Variants in UBE3D observed in about 807,000 individuals in gnomAD.
The protein encoded by UBE3D is ubiquitin protein ligase E3D, also known as E3 ubiquitin-protein ligase E3D.
Under a neutral mutation model 49.6 loss-of-function variants are expected in UBE3D, and 48 were observed. That is an observed-to-expected ratio of 0.97 (90% CI 0.77 to 1.23). The LOEUF is 1.23. Ranked by LOEUF, UBE3D falls within the 50% of genes most tolerant of loss-of-function variation. The probability of loss-of-function intolerance (pLI) is 0.00; values close to 1 mark genes in which losing one functional copy is unlikely to be tolerated. For missense variants in UBE3D, 452 were observed against 468.4 expected (o/e 0.96, Z 0.32); for synonymous variants, 189 against 174.2 (o/e 1.08, Z -0.67).
intron 9 of UBE3D, among the ~76,000 whole-genome samples, chr6:82,903,826 GAGTT>G (rs1356756400): frequency 6.6e-6 from 1 of 152,142 alleles, no homozygotes; most frequent in Non-Finnish European, 1.5e-5. Flanking sequence ...GGCTTATGAG[GAGTT>G]TATAAACGGT....
At chr6:82,909,419 T>G (rs189426294) in intron 9 of UBE3D, among the ~76,000 whole-genome samples, 2,028 of 152,274 alleles carry the variant, frequency 0.013, 17 homozygotes, top group Non-Finnish European at 0.018. Context: ...CAGAATATAT[T>G]CTCTGCTAAG....
At chr6:82,935,369 A>G (rs1310226602) in intron 9 of UBE3D, among the ~76,000 whole-genome samples, 2 of 152,144 alleles carry the variant, frequency 1.3e-5, no homozygotes, top group African/African-American at 4.8e-5. Flanking sequence ...GCCTCCCACC[A>G]GGCCCCACCC....
chr6:82,966,129 G>A (rs1776903320), intron 8 of UBE3D, among the ~76,000 whole-genome samples: 1 of 151,992 alleles, frequency 6.6e-6, no homozygotes, highest in Non-Finnish European at 1.5e-5. Context: ...CAACTGATCG[G>A]TATGTCTTTT....
intron 8 of UBE3D, among the ~76,000 whole-genome samples, chr6:82,964,878 A>G (rs1031470693): frequency 6.6e-6 from 1 of 152,226 alleles, no homozygotes; most frequent in Non-Finnish European, 1.5e-5. Flanking sequence ...CCCTGAAAAA[A>G]TGCACAAACT....
intron 3 of UBE3D, among the ~76,000 whole-genome samples, chr6:83,050,587 T>C (rs1386108129): frequency 1.3e-5 from 2 of 152,232 alleles, no homozygotes; most frequent in African/African-American, 4.8e-5. Flanking sequence ...TTGGGGCACA[T>C]ACATGCTCTT....
At chr6:82,933,197 A>C (rs1177668562) in intron 9 of UBE3D, among the ~76,000 whole-genome samples, 1 of 152,218 alleles carries the variant, frequency 6.6e-6, no homozygotes, top group Non-Finnish European at 1.5e-5. Context: ...CACCTGAAAG[A>C]CAAAGTTTAA....
intron 1 of UBE3D, among the ~76,000 whole-genome samples, chr6:83,064,418 G>T (rs1396207457): frequency 6.6e-6 from 1 of 152,068 alleles, no homozygotes; most frequent in Non-Finnish European, 1.5e-5. Flanking sequence ...AGTAGAGACA[G>T]GGTTTCACCA....
At chr6:82,916,485 C>A (rs1184999474) in intron 9 of UBE3D, among the ~76,000 whole-genome samples, 2 of 152,150 alleles carry the variant, frequency 1.3e-5, no homozygotes, top group African/African-American at 2.4e-5. Context: ...ACACTGAAGG[C>A]TGGCACAATC....
rs1421180365 is a variant in UBE3D at position 82,945,837 on chromosome 6, CAAG to C, written c.1149+11472_1149+11474del. Among the ~76,000 whole-genome samples the C allele has an allele frequency of 3.3e-5, 5 of 152,200 alleles. No homozygotes were observed. The East Asian group carries it at 5.8e-4, about 18-fold the overall frequency. On this transcript the variant is annotated intron_variant, in intron 9 of 9. Transcript: ENST00000369747. Reference sequence around the variant, plus strand: ...ATAGATTGAACTAATTAAAAAGAATCAAGAAGAAGTTCTGGAGTAGAAAAATGC... The same window carrying C: ...ATAGATTGAACTAATTAAAAAGAATCAAGAAGTTCTGGAGTAGAAAAATGC...
chr6:82,990,638 T>C (rs1481904739), intron 8 of UBE3D, among the ~76,000 whole-genome samples: 1 of 152,180 alleles, frequency 6.6e-6, no homozygotes, highest in Non-Finnish European at 1.5e-5. Flanking sequence ...TCTCCACAGA[T>C]AGCTACTCTT....
intron 9 of UBE3D, among the ~76,000 whole-genome samples, chr6:82,920,942 A>ATTTT (rs377206246): frequency 1.5e-5 from 2 of 136,796 alleles, no homozygotes; most frequent in African/African-American, 5.5e-5. Flanking sequence ...AAAAATGCTG[A>ATTTT]TTTTTTTTTT....
chr6:82,893,078 C>A (rs765294946), intron 9 of UBE3D, 36 bp from the exon 10 acceptor site: 1 of 1,612,008 alleles, frequency 6.2e-7, no homozygotes, highest in South Asian at 1.1e-5. Flanking sequence ...TGCTTTACTT[C>A]TATAATATGA....
chr6:83,044,785 A>G, intron 3 of UBE3D, 126 bp from the exon 4 acceptor site: 2 of 781,412 alleles, frequency 2.6e-6, no homozygotes, highest in South Asian at 3.7e-5. Context: ...TTTTTTCCCC[A>G]ATTATAAAAG....
intron 8 of UBE3D, chr6:83,017,211 A>G (rs1780756203): frequency 6.6e-6 from 1 of 152,222 alleles, no homozygotes; most frequent in African/African-American, 2.4e-5. Flanking sequence ...TATTCCTCTA[A>G]TAACACAGCT....
chr6:82,932,501 G>A (rs1482697226), intron 9 of UBE3D: 1 of 151,984 alleles, frequency 6.6e-6, no homozygotes, highest in Non-Finnish European at 1.5e-5. Flanking sequence ...TTAAACTTTA[G>A]GTTAAATTTA....
chr6:82,966,542 C>T (rs1183763627), intron 8 of UBE3D, among the ~76,000 whole-genome samples: 1 of 111,606 alleles, frequency 9.0e-6, no homozygotes, highest in Non-Finnish European at 1.8e-5. Flanking sequence ...CCCAGCTACT[C>T]GGGAGGCTGA....
chr6:83,025,214 C>G (rs1781369651), intron 5 of UBE3D, among the ~76,000 whole-genome samples: 2 of 152,122 alleles, frequency 1.3e-5, no homozygotes, highest in African/African-American at 4.8e-5. Flanking sequence ...CACAGCATCC[C>G]AAAACACAGA....
intron 5 of UBE3D, chr6:83,036,993 C>T (rs1782309208): frequency 6.6e-6 from 1 of 151,986 alleles, no homozygotes; most frequent in Admixed American, 6.6e-5. Context: ...AGTTGGTATT[C>T]TTCCATTATT....
At chr6:82,887,589 A>G (rs1042068872), downstream of UBE3D, among the ~76,000 whole-genome samples, 3 of 149,492 alleles carry the variant, frequency 2.0e-5, no homozygotes, top group East Asian at 2.1e-4. Flanking sequence ...CACGCCTACA[A>G]TCCCAGCTAC....
Sources: allele counts gnomAD v4.1 joint callset (sites outside exome capture counted in the v4.1 genomes callset), GRCh38; gene constraint gnomAD v4.1.1; transcripts MANE v1.5; gene names NCBI Gene and HGNC (gene_info 2026-07-23, HGNC 2026-07-21).